Variants in HECTD4 observed in about 807,000 individuals in gnomAD.
HECTD4 encodes probable E3 ubiquitin-protein ligase HECTD4.
Under a neutral mutation model 471.5 loss-of-function variants are expected in HECTD4, and 114 were observed. The observed-to-expected ratio is 0.24, with a 90% confidence interval of 0.21 to 0.28. HECTD4 has a LOEUF of 0.28. Among genes scored for constraint, HECTD4 ranks in the 10% least tolerant of loss-of-function variants. The probability of loss-of-function intolerance (pLI) is 1.00; values close to 1 mark genes in which losing one functional copy is unlikely to be tolerated. For missense variants in HECTD4, 3,866 were observed against 5,651.5 expected (o/e 0.68, Z 10.13); for synonymous variants, 2,012 against 2,256.0 (o/e 0.89, Z 3.07).
At position 112,193,380 on chromosome 12, in the gene HECTD4, G is replaced by A; in HGVS notation, c.8955+89C>T. On this transcript the variant is annotated intron_variant, in intron 57 of 75. Transcript: ENST00000682272. The surrounding 1 kb of genome is among the most constrained non-coding windows in gnomAD (Gnocchi z 5.2). ...AATCGAGAGGAATAGGGACTTGGAA[G>A]GGAAAGGGGAGTCATTTTCAGCAAG... The A allele has an allele frequency of 1.5e-6, 2 of 1,376,416 alleles. No homozygotes were observed. The highest frequency in any genetic ancestry group is 2.5e-5 in the East Asian group (1 of 40,176). The allele number at this position is 1,376,416 out of a possible 1,614,324, so 85.3% of individuals were successfully genotyped here.
rs2030813343 is a variant in HECTD4, at chr12:112,163,900, C to G, written c.12702-163G>C. On this transcript the variant is annotated intron_variant, in intron 73 of 75. Transcript: ENST00000682272. This position sits in a 1 kb window ranked among gnomAD's most constrained non-coding sequence, Gnocchi z 8.2. The stretch of plus-strand genomic sequence containing the variant: ...TTTCCTGCCTCTGGTGCCGCCGCCT[C>G]AGAGCTGCTGTTTTCTTAGTAAACC... Among the ~76,000 whole-genome samples, 1 of 152,218 alleles carries G rather than the reference C, an allele frequency of 6.6e-6. No homozygotes were observed. The highest frequency in any genetic ancestry group is 1.5e-5 in the Non-Finnish European group (1 of 68,030).
intron 18 of HECTD4, 123 bp downstream of exon 18, chr12:112,261,182 C>A: frequency 9.2e-7 from 1 of 1,088,526 alleles, no homozygotes; most frequent in Non-Finnish European, 1.2e-6. Flanking sequence ...CCCTTTTAGC[C>A]TATTCTCACA....
chr12:112,185,766 CA>C (rs1297661981), intron 60 of HECTD4, among the ~76,000 whole-genome samples: 3 of 152,220 alleles, frequency 2.0e-5, no homozygotes, highest in Non-Finnish European at 2.9e-5. Flanking sequence ...AGGGTGCCAG[CA>C]AAACACCATC....
intron 45 of HECTD4, 95 bp from the exon 46 acceptor site, chr12:112,217,290 A>T: frequency 1.1e-6 from 1 of 890,622 alleles, no homozygotes; most frequent in Non-Finnish European, 1.6e-6. Context: ...ATGGTATTAA[A>T]ATATAGGCAT....
At chr12:112,167,776 G>A in intron 71 of HECTD4, 38 bp downstream of exon 71, 2 of 1,552,834 alleles carry the variant, frequency 1.3e-6, no homozygotes, top group Non-Finnish European at 1.8e-6. Flanking sequence ...CAGGACATGA[G>A]CTCGGGGGCG....
chr12:112,278,312 A>T (rs1175628608), intron 9 of HECTD4, among the ~76,000 whole-genome samples: 2 of 152,192 alleles, frequency 1.3e-5, no homozygotes, highest in African/African-American at 4.8e-5. Flanking sequence ...ACTGAATTGT[A>T]TATTTTAAAG....
chr12:112,169,789 G>T, intron 69 of HECTD4, 131 bp from the exon 70 acceptor site: 2 of 1,018,324 alleles, frequency 2.0e-6, no homozygotes, highest in Non-Finnish European at 1.5e-6. Context: ...GGCCCCCTGT[G>T]CCTTCTCTGC....
chr12:112,317,956 CAAAAAAAAAAAA>C (rs59773169), intron 2 of HECTD4, among the ~76,000 whole-genome samples: 8 of 22,230 alleles, frequency 3.6e-4, no homozygotes, highest in African/African-American at 4.4e-4. Context: ...GACCCCATCT[CAAAAAAAAAAAA>C]AAAAAAAAAA....
intron 68 of HECTD4, 92 bp from the exon 69 acceptor site, chr12:112,170,544 A>G: frequency 6.6e-7 from 1 of 1,510,562 alleles, no homozygotes; most frequent in Non-Finnish European, 9.0e-7. Flanking sequence ...TGGGTGTGGC[A>G]CTCTCAGGCC....
intron 17 of HECTD4, 26 bp downstream of exon 17, chr12:112,264,058 T>C: frequency 1.2e-6 from 2 of 1,600,870 alleles, no homozygotes; most frequent in Non-Finnish European, 1.7e-6. Flanking sequence ...GTAGAACGCA[T>C]CGTTAAAATA....
intron 55 of HECTD4, among the ~76,000 whole-genome samples, chr12:112,196,960 T>C (rs2032264499): frequency 6.6e-6 from 1 of 152,026 alleles, no homozygotes. Context: ...CATGCCTGGC[T>C]GATTTTTGTA....
chr12:112,261,213 T>G, intron 18 of HECTD4, 92 bp downstream of exon 18: 4 of 1,322,718 alleles, frequency 3.0e-6, no homozygotes, highest in South Asian at 1.9e-5. Context: ...TATATAAAAT[T>G]GATCCTTCTA....
chr12:112,273,011 T>G (rs1433254686), intron 11 of HECTD4, among the ~76,000 whole-genome samples: 1 of 152,210 alleles, frequency 6.6e-6, no homozygotes, highest in Non-Finnish European at 1.5e-5. Flanking sequence ...AAGAACACCA[T>G]GGACTTCCAC....
Position 112,382,129 on chromosome 12 carries a change from G to C in HECTD4, c.-1C>G. The C allele has an allele frequency of 8.2e-7, 1 of 1,217,138 alleles. No individual in the cohort carries two copies. Among genetic ancestry groups the C allele is most frequent in the Non-Finnish European group, 1.0e-6 (1 of 981,740 alleles). The allele number at this position is 1,217,138 out of a possible 1,614,324, so 75.4% of individuals were successfully genotyped here. On this transcript the variant is annotated 5_prime_UTR_variant, in exon 1 of 76. Coordinates refer to ENST00000682272, the MANE Select transcript of HECTD4 (RefSeq NM_001388303.1). Reference sequence around the variant, plus strand: ...CCGCCGCGGCCGCCGACGAGCCCATGGCCCCGGCTGAAGGCTTGGCGCTGA... The same window carrying C: ...CCGCCGCGGCCGCCGACGAGCCCATCGCCCCGGCTGAAGGCTTGGCGCTGA...
chr12:112,305,277 A>G (rs2035250308), intron 7 of HECTD4, among the ~76,000 whole-genome samples: 3 of 149,364 alleles, frequency 2.0e-5, no homozygotes, highest in Admixed American at 2.0e-4. Flanking sequence ...GTGTGGATCT[A>G]AAGCGCCGTG....
chr12:112,200,864 C>A, intron 54 of HECTD4, 66 bp from the exon 55 acceptor site: 1 of 1,394,366 alleles, frequency 7.2e-7, no homozygotes, highest in South Asian at 1.3e-5. Context: ...TGCGTGCGTG[C>A]GTGTGTGTGT....
chr12:112,269,163 G>A (rs1214887479), intron 13 of HECTD4, among the ~76,000 whole-genome samples: 3 of 152,056 alleles, frequency 2.0e-5, no homozygotes, highest in South Asian at 2.1e-4. Flanking sequence ...GTGAGCCACC[G>A]CGCCCGGCCC....
intron 3 of HECTD4, 123 bp downstream of exon 3, chr12:112,314,334 C>T: frequency 3.5e-6 from 2 of 567,678 alleles, no homozygotes; most frequent in South Asian, 5.0e-5. Flanking sequence ...AAATATGAGT[C>T]TATACTTATT....
intron 64 of HECTD4, 107 bp downstream of exon 64, chr12:112,178,824 T>C: frequency 3.1e-6 from 4 of 1,293,520 alleles, no homozygotes; most frequent in Non-Finnish European, 4.1e-6. Context: ...AAAAAAGGCC[T>C]GACACCAGGC....
Sources: allele counts gnomAD v4.1 joint callset (sites outside exome capture counted in the v4.1 genomes callset), GRCh38; gene constraint gnomAD v4.1.1; non-coding constraint Gnocchi (gnomAD v3.1); transcripts MANE v1.5; gene names NCBI Gene and HGNC (gene_info 2026-07-23, HGNC 2026-07-21).